TNNI3K: variants seen among roughly 807,000 people sequenced by gnomAD.
TNNI3K encodes the protein TNNI3 interacting kinase.
TNNI3K carries 140 observed loss-of-function variants against 114.5 expected under a neutral mutation model. That is an observed-to-expected ratio of 1.22 (90% CI 1.07 to 1.41). TNNI3K has a LOEUF of 1.41. Among genes scored for constraint, TNNI3K ranks in the 40% most tolerant of loss-of-function variants. The probability of loss-of-function intolerance (pLI) is 0.00; values close to 1 mark genes in which losing one functional copy is unlikely to be tolerated. For missense variants in TNNI3K, 1,125 were observed against 1,007.6 expected (o/e 1.12, Z -1.58); for synonymous variants, 347 against 347.5 (o/e 1.00, Z 0.02).
chr1:74,295,126 G>T (rs1175334952), intron 5 of TNNI3K, among the ~76,000 whole-genome samples: 2 of 151,418 alleles, frequency 1.3e-5, no homozygotes, highest in Non-Finnish European at 2.9e-5. Context: ...TGTCTCATGG[G>T]TCATTTATTT....
intron 23 of TNNI3K, among the ~76,000 whole-genome samples, chr1:74,528,279 C>A (rs1323376942): frequency 1.3e-5 from 2 of 152,056 alleles, no homozygotes; most frequent in Admixed American, 1.3e-4. Context: ...GTGCAAGGGG[C>A]TGGAGCCTGA....
At chr1:74,372,560 C>T (rs1205608299) in intron 17 of TNNI3K, 3 of 151,808 alleles carry the variant, frequency 2.0e-5, no homozygotes, top group South Asian at 4.1e-4. Flanking sequence ...CAAACATTTA[C>T]GTTAACAAAC....
intron 21 of TNNI3K, among the ~76,000 whole-genome samples, chr1:74,487,823 C>G (rs2100287231): frequency 6.6e-6 from 1 of 152,112 alleles, no homozygotes; most frequent in Non-Finnish European, 1.5e-5. Context: ...TTCCAAGTAC[C>G]AGTGTGATCA....
At chr1:74,255,696 A>G (rs1424131932) in intron 4 of TNNI3K, among the ~76,000 whole-genome samples, 1 of 152,200 alleles carries the variant, frequency 6.6e-6, no homozygotes, top group Non-Finnish European at 1.5e-5. Flanking sequence ...TAGCTTTTGA[A>G]AATGTATGTA....
chr1:74,382,533 G>T (rs142307005), intron 17 of TNNI3K, among the ~76,000 whole-genome samples: 2 of 152,164 alleles, frequency 1.3e-5, no homozygotes, highest in African/African-American at 4.8e-5. Flanking sequence ...AAGGTGAAAG[G>T]TTTTGTTGTT....
intron 5 of TNNI3K, among the ~76,000 whole-genome samples, chr1:74,312,796 G>T (rs534390540): frequency 2.0e-5 from 3 of 152,288 alleles, no homozygotes; most frequent in South Asian, 2.1e-4. Context: ...TAAAAATTCC[G>T]CATAGGAGAA....
chr1:74,370,189 G>A (rs962457877), intron 16 of TNNI3K, 99 bp from the exon 17 acceptor site: 2 of 1,039,608 alleles, frequency 1.9e-6, no homozygotes, highest in African/African-American at 1.7e-5. Context: ...AACAAAAAAT[G>A]GTTAAGATGA....
chr1:74,410,235 C>T (rs1664816944), intron 17 of TNNI3K, among the ~76,000 whole-genome samples: 1 of 152,150 alleles, frequency 6.6e-6, no homozygotes, highest in Non-Finnish European at 1.5e-5. Context: ...TTTATAGAAT[C>T]CCATTTTAAA....
At chr1:74,489,856 C>T (rs1668964799) in intron 22 of TNNI3K, among the ~76,000 whole-genome samples, 1 of 151,974 alleles carries the variant, frequency 6.6e-6, no homozygotes, top group South Asian at 2.1e-4. Context: ...AACATGCACA[C>T]TACTTGAAAA....
intron 23 of TNNI3K, among the ~76,000 whole-genome samples, chr1:74,494,059 C>T (rs1489598847): frequency 6.6e-5 from 10 of 152,158 alleles, no homozygotes; most frequent in Non-Finnish European, 1.3e-4. Flanking sequence ...TTCATAGATA[C>T]CCTGAAGAGT....
At chr1:74,455,267 T>C (rs1218652891) in intron 20 of TNNI3K, among the ~76,000 whole-genome samples, 1 of 152,162 alleles carries the variant, frequency 6.6e-6, no homozygotes, top group African/African-American at 2.4e-5. Flanking sequence ...TTTTAAAAGA[T>C]GACTACTAGT....
intron 4 of TNNI3K, among the ~76,000 whole-genome samples, chr1:74,265,383 G>A (rs1016460721): frequency 6.6e-6 from 1 of 151,898 alleles, no homozygotes; most frequent in South Asian, 2.1e-4. Flanking sequence ...TAGAAATGTC[G>A]AGGCCCTTCT....
At chr1:74,322,103 A>T (rs932169262) in intron 5 of TNNI3K, among the ~76,000 whole-genome samples, 1 of 152,196 alleles carries the variant, frequency 6.6e-6, no homozygotes, top group Non-Finnish European at 1.5e-5. Context: ...TTCAATACAA[A>T]TGGGTAAACA....
intron 1 of TNNI3K, 148 bp downstream of exon 1, chr1:74,235,639 ACT>A (rs1224076233): frequency 1.3e-5 from 6 of 476,354 alleles, no homozygotes; most frequent in African/African-American, 1.2e-4. Context: ...AACTATCTGA[ACT>A]CAAATTATTT....
At chr1:74,335,770 T>C (rs950916002) in intron 6 of TNNI3K, among the ~76,000 whole-genome samples, 6 of 152,174 alleles carry the variant, frequency 3.9e-5, no homozygotes, top group Admixed American at 6.5e-5. Flanking sequence ...TGCAGCTCTC[T>C]TACTACCATG....
At chr1:74,253,452 A>T (rs1570374779) in intron 4 of TNNI3K, among the ~76,000 whole-genome samples, 2 of 152,116 alleles carry the variant, frequency 1.3e-5, no homozygotes, top group East Asian at 3.9e-4. Flanking sequence ...GGGGAAGCTC[A>T]GGCATGGCGG....
chr1:74,482,654 G>C (rs1252818952), intron 21 of TNNI3K, among the ~76,000 whole-genome samples: 2 of 152,136 alleles, frequency 1.3e-5, no homozygotes, highest in Admixed American at 1.3e-4. Context: ...CTTATAGCTT[G>C]TTTATCTCTT....
chr1:74,346,896 G>GTCT (rs1248850013), intron 9 of TNNI3K, among the ~76,000 whole-genome samples: 1 of 151,590 alleles, frequency 6.6e-6, no homozygotes, highest in African/African-American at 2.4e-5. Flanking sequence ...TGTCACCTGT[G>GTCT]TCTTAATCCC....
rs1397678696 is a variant in TNNI3K, at chr1:74,236,153, T to G, written c.92T>G (p.Leu31Ter). The change falls in exon 2 of 25, where the codon TTA becomes TGA. Residue 31 changes from leucine to a stop codon, truncating the protein, a stop_gained. Transcript: ENST00000326637. LOFTEE classifies it high-confidence loss of function. ...TCATATGTTATCACAATAGAAAGATTAGAAGATGACCTGCAGATCAAGGAA... is the reference window on the plus strand; with the variant it reads ...TCATATGTTATCACAATAGAAAGATGAGAAGATGACCTGCAGATCAAGGAA... Reference protein sequence around the residue: ...SESYVITIERLEDDLQIKEKE... With the variant: ...SESYVITIER 11 of 1,608,518 alleles carry G rather than the reference T, an allele frequency of 6.8e-6. No homozygotes were observed. The highest frequency in any genetic ancestry group is 9.4e-6 in the Non-Finnish European group (11 of 1,176,172).
Sources: gnomAD v4.1 joint callset for allele counts (sites outside exome capture counted in the v4.1 genomes callset) on GRCh38, gnomAD v4.1.1 for gene constraint, MANE v1.5 for transcripts, NCBI Gene and HGNC (gene_info 2026-07-23, HGNC 2026-07-21) for gene names.